Variants in SDK1 observed in about 807,000 individuals in gnomAD.
The protein encoded by SDK1 is sidekick cell adhesion molecule 1.
SDK1 carries 157 observed loss-of-function variants against 245.5 expected under a neutral mutation model. The observed-to-expected ratio is 0.64, with a 90% CI of 0.56 to 0.73. SDK1 has a LOEUF of 0.73. SDK1 is among the 30% of genes least tolerant of loss of function. The pLI, the probability that SDK1 is intolerant of heterozygous loss-of-function variation, is 0.00. For missense variants in SDK1, 3,583 were observed against 3,002.3 expected, an observed-to-expected ratio of 1.19 and a Z score of -4.52; for synonymous variants, 1,647 against 1,278.5, an observed-to-expected ratio of 1.29 and a Z score of -6.15.
chr7:3,461,480 A>G (rs1780829271), intron 1 of SDK1, among the ~76,000 whole-genome samples: 2 of 152,314 alleles, frequency 1.3e-5, no homozygotes, highest in East Asian at 1.9e-4. Context: ...GTGGAGGGAA[A>G]TGATGTGAAG....
intron 4 of SDK1, among the ~76,000 whole-genome samples, chr7:3,644,793 C>CAACAAAAAA: frequency 9.2e-6 from 1 of 108,864 alleles, no homozygotes; most frequent in South Asian, 3.5e-4. Context: ...AAAAAAAAAA[C>CAACAAAAAA]AAAAAACAAC....
chr7:3,693,186 A>C (rs912785334), intron 4 of SDK1, among the ~76,000 whole-genome samples: 1 of 152,114 alleles, frequency 6.6e-6, no homozygotes, highest in African/African-American at 2.4e-5. Flanking sequence ...TTATAATGCT[A>C]CTTTGAGACT....
At chr7:3,878,550 A>G (rs1039873328) in intron 5 of SDK1, among the ~76,000 whole-genome samples, 1 of 152,180 alleles carries the variant, frequency 6.6e-6, no homozygotes, top group African/African-American at 2.4e-5. Flanking sequence ...AAATAAATAA[A>G]TAAAGGCTTT....
At chr7:3,910,332 A>C (rs1055969829) in intron 5 of SDK1, among the ~76,000 whole-genome samples, 19 of 152,360 alleles carry the variant, frequency 1.2e-4, no homozygotes, top group African/African-American at 4.6e-4. Flanking sequence ...TGTCAGGCAC[A>C]TTCTTCAAAC....
intron 5 of SDK1, among the ~76,000 whole-genome samples, chr7:3,920,504 G>A (rs7801929): frequency 1.3e-5 from 2 of 152,118 alleles, no homozygotes; most frequent in Admixed American, 1.3e-4. Flanking sequence ...GACTAGAGGA[G>A]TGAGGGTGAT....
intron 2 of SDK1, among the ~76,000 whole-genome samples, chr7:3,628,958 G>T (rs568739002): frequency 1.3e-5 from 2 of 152,118 alleles, no homozygotes; most frequent in African/African-American, 2.4e-5. Context: ...AGTTTGGAAA[G>T]ATCAAGGCAG....
chr7:3,576,262 G>A (rs965069970), intron 1 of SDK1, among the ~76,000 whole-genome samples: 7 of 152,078 alleles, frequency 4.6e-5, no homozygotes, highest in African/African-American at 1.7e-4. Flanking sequence ...TAGGCTCCTT[G>A]GCGTCACCGT....
chr7:3,552,359 C>T (rs1779447204), intron 1 of SDK1, among the ~76,000 whole-genome samples: 1 of 152,076 alleles, frequency 6.6e-6, no homozygotes, highest in Admixed American at 6.5e-5. Context: ...TCTTTTGAAC[C>T]CTGTGGTTCC....
chr7:4,111,127 G>T lies in SDK1; in HGVS notation c.3434+355G>T, dbSNP rs571121726. 7.2e-5 allele frequency among the ~76,000 whole-genome samples: 11 copies of T among 152,290 alleles called. No homozygotes were observed. In the Middle Eastern group the frequency reaches 0.017, roughly 235 times the overall value. ...AACCTGTTGGGACTATTAACGTGCC[G>T]TGTGCAAACAAAGCAGATGTCCTAG... On this transcript the variant is annotated intron_variant, in intron 23 of 44. Transcript: ENST00000404826.
intron 43 of SDK1, among the ~76,000 whole-genome samples, chr7:4,245,198 C>A (rs1207998992): frequency 6.6e-6 from 1 of 152,144 alleles, no homozygotes; most frequent in Non-Finnish European, 1.5e-5. Flanking sequence ...CCCCACCAGA[C>A]AGGGAGACCA....
chr7:3,921,182 A>C (rs1779572305), intron 5 of SDK1, among the ~76,000 whole-genome samples: 1 of 152,250 alleles, frequency 6.6e-6, no homozygotes, highest in African/African-American at 2.4e-5. Flanking sequence ...GAACATTTTC[A>C]TTCATGTCTC....
At chr7:4,133,166 G>A (rs1784956533) in intron 28 of SDK1, among the ~76,000 whole-genome samples, 4 of 152,220 alleles carry the variant, frequency 2.6e-5, no homozygotes, top group South Asian at 2.1e-4. Flanking sequence ...GAGATGAAGC[G>A]CATGCCCTGG....
chr7:3,947,529 C>CG (rs1780627876), intron 5 of SDK1, among the ~76,000 whole-genome samples: 6 of 73,674 alleles, frequency 8.1e-5, no homozygotes, highest in South Asian at 1.1e-3. Context: ...GAAGTATTTG[C>CG]TTGTGTGTGT....
intron 1 of SDK1, among the ~76,000 whole-genome samples, chr7:3,413,612 A>G (rs1779274983): frequency 6.6e-6 from 1 of 152,086 alleles, no homozygotes; most frequent in Admixed American, 6.5e-5. Context: ...GATCACTTGA[A>G]CCCAGGGGGC....
intron 4 of SDK1, among the ~76,000 whole-genome samples, chr7:3,728,610 C>T (rs895015038): frequency 2.0e-5 from 3 of 152,156 alleles, no homozygotes; most frequent in Non-Finnish European, 4.4e-5. Context: ...ATTCCAGTGG[C>T]TGTTTCTTTT....
At chr7:3,475,252 C>T (rs1265388808) in intron 1 of SDK1, among the ~76,000 whole-genome samples, 2 of 152,176 alleles carry the variant, frequency 1.3e-5, no homozygotes, top group Non-Finnish European at 2.9e-5. Context: ...CAAGGCCTGG[C>T]CCTTCCTTGG....
chr7:3,585,314 G>T (rs964851113), intron 1 of SDK1, among the ~76,000 whole-genome samples: 1 of 152,204 alleles, frequency 6.6e-6, no homozygotes, highest in Non-Finnish European at 1.5e-5. Flanking sequence ...AAAATAAGGA[G>T]AGGAAACAGG....
intron 1 of SDK1, among the ~76,000 whole-genome samples, chr7:3,389,130 G>GT (rs1445800406): frequency 1.3e-5 from 2 of 152,162 alleles, no homozygotes; most frequent in South Asian, 2.1e-4. Context: ...ATGTAAAGGA[G>GT]TGGGGGGAGA....
intron 4 of SDK1, among the ~76,000 whole-genome samples, chr7:3,797,620 A>G (rs910474104): frequency 6.6e-6 from 1 of 152,166 alleles, no homozygotes; most frequent in Non-Finnish European, 1.5e-5. Context: ...ATTCTTTTAA[A>G]TATGTATAAT....
Sources: allele counts gnomAD v4.1 joint callset (sites outside exome capture counted in the v4.1 genomes callset), GRCh38; gene constraint gnomAD v4.1.1; transcripts MANE v1.5; gene names NCBI Gene and HGNC (gene_info 2026-07-23, HGNC 2026-07-21).